ZSCAN30: variants seen among roughly 807,000 people sequenced by gnomAD.
ZSCAN30 encodes zinc finger and SCAN domain-containing protein 30.
In ZSCAN30, 37 loss-of-function variants were observed where a neutral mutation model predicts 44.3. That is an observed-to-expected ratio of 0.84 (90% CI 0.64 to 1.10). The LOEUF (loss-of-function observed/expected upper bound fraction) is 1.10, where lower values mean the gene tolerates loss of function less well. Ranked by LOEUF, ZSCAN30 falls within the 50% of genes least tolerant of loss-of-function variation. ZSCAN30 has a pLI of 0.00. For missense variants in ZSCAN30, 549 were observed against 582.6 expected, an observed-to-expected ratio of 0.94 and a Z score of 0.59; for synonymous variants, 181 against 204.6, an observed-to-expected ratio of 0.88 and a Z score of 0.98.
intron 3 of ZSCAN30, chr18:35,255,052 C>T (rs1373392556): frequency 6.5e-6 from 1 of 153,000 alleles, no homozygotes; most frequent in African/African-American, 2.4e-5. Flanking sequence ...TTAAATCATC[C>T]ATGGAATACA....
chr18:35,276,913 T>C (rs900254123), intron 1 of ZSCAN30, among the ~76,000 whole-genome samples: 21 of 152,160 alleles, frequency 1.4e-4, no homozygotes, highest in African/African-American at 4.6e-4. Flanking sequence ...AGACACTCAA[T>C]GCCAGCCTGT....
At chr18:35,271,911 G>A (rs1288554321) in intron 1 of ZSCAN30, among the ~76,000 whole-genome samples, 1 of 152,116 alleles carries the variant, frequency 6.6e-6, no homozygotes, top group Non-Finnish European at 1.5e-5. Context: ...CTTACTGCCT[G>A]GGGCCGGCGG....
At chr18:35,260,606 T>C (rs2044003472) in intron 3 of ZSCAN30, 2 of 152,242 alleles carry the variant, frequency 1.3e-5, no homozygotes, top group South Asian at 2.1e-4. Context: ...ATTTCTCTAA[T>C]GATCAGTGAT....
chr18:35,289,568 A>C (rs1400275624), intron 1 of ZSCAN30: 2 of 152,090 alleles, frequency 1.3e-5, no homozygotes, highest in African/African-American at 4.8e-5. Context: ...CTCATTTCCC[A>C]AGATATTTCC....
At chr18:35,289,094 G>T (rs2044606090) in intron 1 of ZSCAN30, among the ~76,000 whole-genome samples, 1 of 152,018 alleles carries the variant, frequency 6.6e-6, no homozygotes, top group Admixed American at 6.6e-5. Context: ...TCCTGACTCG[G>T]CCTCCCAAGT....
At chr18:35,263,776 A>C (rs1349793365) in intron 2 of ZSCAN30, 119 bp from the exon 3 acceptor site, 2 of 1,417,064 alleles carry the variant, frequency 1.4e-6, no homozygotes, top group Non-Finnish European at 1.9e-6. Context: ...AGAGAAAAAA[A>C]ACAGGACCTT....
At chr18:35,271,208 C>T (rs1205175514) in intron 1 of ZSCAN30, among the ~76,000 whole-genome samples, 1 of 152,196 alleles carries the variant, frequency 6.6e-6, no homozygotes, top group Non-Finnish European at 1.5e-5. Context: ...GCTTTTATTC[C>T]CTTATCTGGC....
intron 1 of ZSCAN30, among the ~76,000 whole-genome samples, chr18:35,271,933 C>T (rs951585311): frequency 3.3e-5 from 5 of 152,000 alleles, no homozygotes; most frequent in Admixed American, 1.3e-4. Flanking sequence ...GCTGGCCGGC[C>T]GCTCCAAGTG....
intron 3 of ZSCAN30, 81 bp from the exon 4 acceptor site, chr18:35,254,462 T>G (rs766223504): frequency 6.2e-7 from 1 of 1,603,988 alleles, no homozygotes; most frequent in Admixed American, 1.7e-5. Flanking sequence ...ACAAACTCAA[T>G]GAAATAGGTA....
At chr18:35,259,320 T>C (rs1334865039) in intron 3 of ZSCAN30, 1 of 152,278 alleles carries the variant, frequency 6.6e-6, no homozygotes, top group East Asian at 1.9e-4. Context: ...GCCTCCCAAG[T>C]AGCTGGGGCT....
In ZSCAN30 at chr18:35,263,975, C is replaced by T. The variant is rs555476080; in HGVS notation, c.378G>A (p.Leu126=). The T allele has an allele frequency of 2.7e-5, 44 of 1,613,964 alleles. No individual in the cohort carries two copies. In the South Asian group the frequency reaches 4.2e-4, roughly 15 times the overall value. ...GCCTTGGCTCCTCCAGTTCTTTTTC[C>T]AGCTCCTCCAGCATAGTCACAGCTT... ...GEEAVTMLEE[L]EKELEEPRQQ... Residue 126 remains leucine (L), a synonymous_variant, in exon 2 of 4, where the codon CTG becomes CTA. Coordinates refer to ENST00000333206, the MANE Select transcript of ZSCAN30 (RefSeq NM_001112734.4).
intron 1 of ZSCAN30, among the ~76,000 whole-genome samples, chr18:35,288,921 T>C (rs1426684789): frequency 6.6e-6 from 1 of 151,892 alleles, no homozygotes; most frequent in African/African-American, 2.4e-5. Context: ...CCTTTAAATA[T>C]TTGCTGTTTA....
chr18:35,254,112 A>G lies in ZSCAN30; in HGVS notation c.823T>C (p.Ser275Pro), dbSNP rs2043702066. The change falls in exon 4 of 4, where the codon TCT becomes CCT. Residue 275 changes from serine to proline, a missense_variant. Ser to Pro is a moderately conservative substitution (Grantham distance 74). Coordinates refer to ENST00000333206, the MANE Select transcript of ZSCAN30 (RefSeq NM_001112734.4). The stretch of plus-strand genomic sequence containing the variant: ...CTGAAACTTCCTTCACTCTCATGAG[A>G]TTCAAGGACACTGTGTTCTGTGGGG... ...RIPTEHSVLESHESEGSFSMN... is the reference protein window; with the variant it reads ...RIPTEHSVLEPHESEGSFSMN... 6.2e-7 allele frequency: 1 copy of G among 1,614,108 alleles called. No homozygotes were observed. The highest frequency in any genetic ancestry group is 8.5e-7 in the Non-Finnish European group (1 of 1,180,008).
chr18:35,281,064 A>G (rs2044447032), intron 1 of ZSCAN30: 1 of 152,220 alleles, frequency 6.6e-6, no homozygotes. Context: ...ACTATCTCAA[A>G]AAGATTGAGA....
intron 1 of ZSCAN30, among the ~76,000 whole-genome samples, chr18:35,285,604 A>C (rs577670750): frequency 2.0e-5 from 3 of 152,212 alleles, no homozygotes; most frequent in Non-Finnish European, 4.4e-5. Flanking sequence ...ATCTCTAGAA[A>C]CCCCCCAAAT....
At chr18:35,288,426 G>A (rs556424804) in intron 1 of ZSCAN30, among the ~76,000 whole-genome samples, 2 of 152,130 alleles carry the variant, frequency 1.3e-5, no homozygotes, top group African/African-American at 4.8e-5. Context: ...AAGTAGTGTG[G>A]GTTTTTTTAA....
Position 35,253,316 on chromosome 18 carries a change from C to G in ZSCAN30, c.*134G>C, listed in dbSNP as rs892229683. 1.3e-5 allele frequency: 8 copies of G among 614,372 alleles called. No individual in the cohort carries two copies. Among genetic ancestry groups the G allele is most frequent in the Non-Finnish European group, 1.9e-5 (7 of 366,514 alleles). 38.1% of individuals were successfully genotyped at this position (614,372 alleles called of 1,614,324 possible). On this transcript the variant is annotated 3_prime_UTR_variant, in exon 4 of 4. Coordinates refer to ENST00000333206, the MANE Select transcript of ZSCAN30 (RefSeq NM_001112734.4). ...TAATCATAACAAACATCTTTGTGTG[C>G]ATGTCTTCTTATAGTACCGAACTGG...
intron 1 of ZSCAN30, among the ~76,000 whole-genome samples, chr18:35,287,078 T>C (rs2044565628): frequency 6.6e-6 from 1 of 152,198 alleles, no homozygotes; most frequent in Non-Finnish European, 1.5e-5. Flanking sequence ...ATATATTAAA[T>C]ACTTAGGAAT....
intron 1 of ZSCAN30, among the ~76,000 whole-genome samples, chr18:35,272,921 A>G (rs1278152183): frequency 2.0e-5 from 3 of 152,168 alleles, no homozygotes; most frequent in African/African-American, 7.2e-5. Flanking sequence ...CCCTTATCAA[A>G]CCATCAGATC....
Sources: gnomAD v4.1 joint callset for allele counts (sites outside exome capture counted in the v4.1 genomes callset) on GRCh38, gnomAD v4.1.1 for gene constraint, MANE v1.5 for transcripts, NCBI Gene and HGNC (gene_info 2026-07-23, HGNC 2026-07-21) for gene names.